NEGR1: variants seen among roughly 807,000 people sequenced by gnomAD.
The protein encoded by NEGR1 is IgLON family member 4.
In NEGR1, 10 loss-of-function variants were observed where a neutral mutation model predicts 40.9. That is an observed-to-expected ratio of 0.24 (90% CI 0.15 to 0.42). NEGR1 has a LOEUF of 0.42. NEGR1 is among the 10% of genes least tolerant of loss of function. The pLI is 1.00. For missense variants in NEGR1, 352 were observed against 438.9 expected, an observed-to-expected ratio of 0.80 and a Z score of 1.77; for synonymous variants, 185 against 166.8, an observed-to-expected ratio of 1.11 and a Z score of -0.84.
intron 1 of NEGR1, among the ~76,000 whole-genome samples, chr1:72,227,752 A>T (rs1334641088): frequency 6.6e-6 from 1 of 152,118 alleles, no homozygotes; most frequent in East Asian, 1.9e-4. Flanking sequence ...AGTCAAGATG[A>T]CCATAAAAAA....
chr1:72,137,381 G>A (rs1294585098), intron 1 of NEGR1, among the ~76,000 whole-genome samples: 1 of 152,116 alleles, frequency 6.6e-6, no homozygotes, highest in Non-Finnish European at 1.5e-5. Flanking sequence ...TAAAGAAAAT[G>A]TGGCACACAT....
chr1:71,407,610 G>A (rs199805160), intron 6 of NEGR1, 40 bp from the exon 7 acceptor site: 1 of 1,603,010 alleles, frequency 6.2e-7, no homozygotes, highest in Admixed American at 1.7e-5. Context: ...AATCTAATTT[G>A]TGTCTTCCAG....
At chr1:72,102,337 G>T (rs1466022120) in intron 1 of NEGR1, among the ~76,000 whole-genome samples, 10 of 151,744 alleles carry the variant, frequency 6.6e-5, no homozygotes, top group African/African-American at 2.4e-4. Flanking sequence ...AAAGCTCCAT[G>T]GTCTTTATAA....
chr1:71,571,425 G>T (rs1026549979), intron 6 of NEGR1, among the ~76,000 whole-genome samples: 3 of 152,220 alleles, frequency 2.0e-5, no homozygotes, highest in Admixed American at 2.0e-4. Flanking sequence ...AATTGATTTT[G>T]CCAAGATGCA....
rs1557514407 is a variant in NEGR1, at chr1:71,403,398, A to T, written c.*4048T>A. The T allele has an allele frequency of 6.6e-6, 1 of 152,106 alleles. No individual in the cohort carries two copies. The highest frequency in any genetic ancestry group is 1.5e-5 in the Non-Finnish European group (1 of 67,952). The allele number at this position is 152,106 out of a possible 1,614,324, so 9.4% of individuals were successfully genotyped here. A position where few individuals can be genotyped will look rare whatever the true frequency, so the allele number is the denominator to read the frequency against. ...TAGCCTGTAAGATCATCAGGATTTT[A>T]TCAACAGGATATTTAGTCTCTGTTG... On this transcript the variant is annotated 3_prime_UTR_variant, in exon 7 of 7. Coordinates refer to ENST00000357731, the MANE Select transcript of NEGR1 (RefSeq NM_173808.3).
chr1:71,821,090 C>G (rs756972714), intron 2 of NEGR1, among the ~76,000 whole-genome samples: 2 of 151,958 alleles, frequency 1.3e-5, no homozygotes, highest in African/African-American at 4.8e-5. Flanking sequence ...CAATCAGAAA[C>G]AGTTCACATT....
intron 1 of NEGR1, among the ~76,000 whole-genome samples, chr1:72,097,234 T>C (rs1404240584): frequency 1.3e-5 from 2 of 152,194 alleles, no homozygotes; most frequent in African/African-American, 4.8e-5. Context: ...ACTTGTTTAA[T>C]CTCACTGTGT....
chr1:71,998,230 G>A (rs1349906656), intron 1 of NEGR1, among the ~76,000 whole-genome samples: 1 of 151,852 alleles, frequency 6.6e-6, no homozygotes, highest in East Asian at 1.9e-4. Flanking sequence ...GTTTTGTGAA[G>A]ATTAAACCAA....
intron 1 of NEGR1, among the ~76,000 whole-genome samples, chr1:72,099,002 A>C (rs915010218): frequency 6.6e-6 from 1 of 151,990 alleles, no homozygotes; most frequent in African/African-American, 2.4e-5. Context: ...TGGAATTTAG[A>C]ATATTATAAT....
At chr1:71,960,043 T>TA (rs1646151621) in intron 1 of NEGR1, among the ~76,000 whole-genome samples, 2 of 152,124 alleles carry the variant, frequency 1.3e-5, no homozygotes, top group South Asian at 2.1e-4. Context: ...GCTCTCAAAT[T>TA]AAAAACTTTC....
intron 4 of NEGR1, 100 bp downstream of exon 4, chr1:71,697,908 G>A: frequency 8.5e-7 from 1 of 1,174,048 alleles, no homozygotes; most frequent in Non-Finnish European, 1.2e-6. Flanking sequence ...TTTACCAATA[G>A]ACAACCTCTT....
chr1:72,222,859 G>A (rs1381379173), intron 1 of NEGR1, among the ~76,000 whole-genome samples: 1 of 152,130 alleles, frequency 6.6e-6, no homozygotes, highest in African/African-American at 2.4e-5. Context: ...AATCCCAGTT[G>A]TTCCAGACTT....
intron 1 of NEGR1, among the ~76,000 whole-genome samples, chr1:72,220,236 C>A (rs1288067348): frequency 2.6e-5 from 4 of 151,822 alleles, no homozygotes; most frequent in East Asian, 1.9e-4. Flanking sequence ...CTACTCTACC[C>A]AGCTGAATTA....
At chr1:72,148,734 G>A (rs1182046519) in intron 1 of NEGR1, among the ~76,000 whole-genome samples, 2 of 152,106 alleles carry the variant, frequency 1.3e-5, no homozygotes, top group African/African-American at 2.4e-5. Context: ...GCAAAATGCC[G>A]CCAGTCTCTT....
intron 1 of NEGR1, among the ~76,000 whole-genome samples, chr1:72,127,230 C>G (rs557744793): frequency 2.0e-5 from 3 of 151,936 alleles, no homozygotes; most frequent in Non-Finnish European, 2.9e-5. Flanking sequence ...TTTGGGAGGC[C>G]GAGGCGGGAA....
intron 1 of NEGR1, among the ~76,000 whole-genome samples, chr1:72,183,147 C>T (rs1652452278): frequency 6.6e-6 from 1 of 152,002 alleles, no homozygotes; most frequent in African/African-American, 2.4e-5. Context: ...CTGCATGGTG[C>T]TGGGAAAAGT....
chr1:71,901,748 G>C (rs1447634911), intron 2 of NEGR1, among the ~76,000 whole-genome samples: 1 of 141,512 alleles, frequency 7.1e-6, no homozygotes, highest in African/African-American at 2.7e-5. Flanking sequence ...TCAGCTCACT[G>C]CAACCTCTGC....
intron 2 of NEGR1, among the ~76,000 whole-genome samples, chr1:71,868,019 A>G (rs1054318864): frequency 1.2e-4 from 19 of 152,184 alleles, no homozygotes; most frequent in African/African-American, 4.6e-4. Context: ...CCTGTTTGAT[A>G]TCAAGTCTTT....
At chr1:72,122,301 A>C (rs1460352261) in intron 1 of NEGR1, among the ~76,000 whole-genome samples, 5 of 151,998 alleles carry the variant, frequency 3.3e-5, no homozygotes, top group Non-Finnish European at 7.4e-5. Flanking sequence ...TCCCAGAGTG[A>C]GTGAATAAAC....
Sources: gnomAD v4.1 joint callset for allele counts (sites outside exome capture counted in the v4.1 genomes callset) on GRCh38, gnomAD v4.1.1 for gene constraint, MANE v1.5 for transcripts, NCBI Gene and HGNC (gene_info 2026-07-23, HGNC 2026-07-21) for gene names.